Variants in PHC1 observed in about 807,000 individuals in gnomAD.
The protein encoded by PHC1 is polyhomeotic-like protein 1.
In PHC1, 12 loss-of-function variants were observed where a neutral mutation model predicts 104.3. The ratio of observed to expected loss-of-function variants is 0.12; its 90% CI spans 0.07 to 0.19. The LOEUF (loss-of-function observed/expected upper bound fraction) is 0.19, where lower values mean the gene tolerates loss of function less well. Ranked by LOEUF, PHC1 falls within the 10% of genes least tolerant of loss-of-function variation. The pLI, the probability that PHC1 is intolerant of heterozygous loss-of-function variation, is 1.00. For synonymous variants in PHC1, 302 were observed against 455.8 expected (o/e 0.66, Z 4.30); for missense variants, 671 against 1,200.0 (o/e 0.56, Z 6.51).
chr12:8,926,142 C>A (rs1945505498), intron 6 of PHC1, among the ~76,000 whole-genome samples: 1 of 152,050 alleles, frequency 6.6e-6, no homozygotes. Context: ...GACATGCAGA[C>A]CTAATTAGAA....
At chr12:8,938,847 CAG>C (rs777118210) in intron 14 of PHC1, among the ~76,000 whole-genome samples, 52 of 152,154 alleles carry the variant, frequency 3.4e-4, no homozygotes, top group Non-Finnish European at 4.0e-4. Flanking sequence ...TGTTTTGAGA[CAG>C]AGTCTTACTC....
Position 8,917,812 on chromosome 12 carries a change from G to A in PHC1, c.114+21G>A, listed in dbSNP as rs1555125170. ...TGCAGGTGAGACTCAGCTCTGAGGG[G>A]CCATGGTCTGTGAGTCTTGGCTTGT... is the stretch of plus-strand genomic sequence containing the variant. On this transcript the variant is annotated intron_variant, in intron 2 of 14. Transcript: ENST00000544916. 6.2e-6 allele frequency: 8 copies of A among 1,280,588 alleles called. No individual in the cohort carries two copies. In the Admixed American group the frequency reaches 8.0e-5, roughly 13 times the overall value. The allele number at this position is 1,280,588 out of a possible 1,614,324, so 79.3% of individuals were successfully genotyped here.
In PHC1 at chr12:8,936,405, G is replaced by A. The variant is rs935762701; in HGVS notation, c.2369-451G>A. Reference sequence around the variant, plus strand: ...AAAAAAATTTTTTTTTCCAAAAGATGATCTAAAATAGGACATTTATATCTT... The same window carrying A: ...AAAAAAATTTTTTTTTCCAAAAGATAATCTAAAATAGGACATTTATATCTT... On this transcript the variant is annotated intron_variant, in intron 11 of 14. Coordinates refer to ENST00000544916, the MANE Select transcript of PHC1 (RefSeq NM_004426.3). Among the ~76,000 whole-genome samples the A allele has an allele frequency of 2.2e-4, 33 of 151,998 alleles. 1 individual carries two copies. Among genetic ancestry groups the A allele is most frequent in the Non-Finnish European group, 1.6e-4 (11 of 67,994 alleles).
At chr12:8,938,823 T>TTTG (rs928494261) in intron 14 of PHC1, among the ~76,000 whole-genome samples, 75 of 152,134 alleles carry the variant, frequency 4.9e-4, no homozygotes, top group Middle Eastern at 3.4e-3. Context: ...GGACTTTGGT[T>TTTG]TTGTTGTTGT....
At chr12:8,924,792 T>C (rs1437171207) in intron 6 of PHC1, among the ~76,000 whole-genome samples, 1 of 152,180 alleles carries the variant, frequency 6.6e-6, no homozygotes, top group African/African-American at 2.4e-5. Context: ...GTTAACTTCA[T>C]AGGTCACAGG....
chr12:8,921,824 T>C (rs1387523609), intron 5 of PHC1, 74 bp downstream of exon 5: 2 of 1,358,400 alleles, frequency 1.5e-6, no homozygotes, highest in South Asian at 2.9e-5. Flanking sequence ...GAGTGAAAGC[T>C]TTTTTTTGAG....
intron 6 of PHC1, among the ~76,000 whole-genome samples, chr12:8,927,782 C>G (rs1945558260): frequency 6.6e-6 from 1 of 152,152 alleles, no homozygotes; most frequent in South Asian, 2.1e-4. Context: ...CAATATCTCT[C>G]AAAAGCCATC....
chr12:8,924,449 C>T (rs940387957), intron 6 of PHC1, among the ~76,000 whole-genome samples: 2 of 152,188 alleles, frequency 1.3e-5, no homozygotes, highest in African/African-American at 4.8e-5. Context: ...ACACTCCAGC[C>T]TGGGCGACAG....
At position 8,918,278 on chromosome 12, in the gene PHC1, T is replaced by G. The variant is rs756812254; in HGVS notation, c.114+487T>G. Among the ~76,000 whole-genome samples, 3 of 152,336 alleles carry G rather than the reference T, an allele frequency of 2.0e-5. No homozygotes were observed. In the South Asian group the frequency reaches 6.2e-4, roughly 32 times the overall value. On this transcript the variant is annotated intron_variant, in intron 2 of 14. Transcript: ENST00000544916. ...ATTAAAGAATAAGAATACAGTAAAG[T>G]CCAGTTAGCACTAAAACCAAACTAC...
At chr12:8,934,771 T>A (rs1273181792) in intron 10 of PHC1, among the ~76,000 whole-genome samples, 1 of 152,096 alleles carries the variant, frequency 6.6e-6, no homozygotes, top group African/African-American at 2.4e-5. Context: ...GTTAAGGAGC[T>A]TTCCTAGGGT....
intron 4 of PHC1, 75 bp downstream of exon 4, chr12:8,921,140 T>G: frequency 8.9e-7 from 1 of 1,118,912 alleles, no homozygotes; most frequent in Non-Finnish European, 1.3e-6. Context: ...TTTGTGCCGC[T>G]GATCTGAGAG....
At chr12:8,926,970 T>C (rs761291552) in intron 6 of PHC1, among the ~76,000 whole-genome samples, 8 of 152,172 alleles carry the variant, frequency 5.3e-5, no homozygotes, top group African/African-American at 1.9e-4. Context: ...ACGTTTAATA[T>C]GGGGCCCTGA....
chr12:8,930,317 G>C, intron 6 of PHC1, 118 bp from the exon 7 acceptor site: 1 of 1,435,968 alleles, frequency 7.0e-7, no homozygotes, highest in Non-Finnish European at 9.4e-7. Flanking sequence ...TAAAGGCAGA[G>C]ATACGAGCTG....
intron 5 of PHC1, 149 bp from the exon 6 acceptor site, chr12:8,922,484 A>T: frequency 3.1e-6 from 2 of 639,544 alleles, no homozygotes; most frequent in Non-Finnish European, 5.4e-6. Flanking sequence ...CATGTGGAGA[A>T]TATGAGGCTC....
chr12:8,933,797 A>G, intron 8 of PHC1, 68 bp from the exon 9 acceptor site: 3 of 1,343,560 alleles, frequency 2.2e-6, no homozygotes, highest in Non-Finnish European at 3.1e-6. Context: ...AACATATGGT[A>G]ATAATTGTGG....
At chr12:8,935,458 T>C (rs1350869606) in intron 11 of PHC1, among the ~76,000 whole-genome samples, 2 of 152,090 alleles carry the variant, frequency 1.3e-5, no homozygotes, top group Non-Finnish European at 2.9e-5. Context: ...AAACCCTGTC[T>C]CTACTACAAA....
chr12:8,917,040 T>C (rs942516570), intron 1 of PHC1, among the ~76,000 whole-genome samples: 12 of 152,210 alleles, frequency 7.9e-5, no homozygotes, highest in African/African-American at 2.7e-4. Flanking sequence ...TGAAGAAGCA[T>C]GTGTTAGTCC....
intron 13 of PHC1, 88 bp downstream of exon 13, chr12:8,937,414 G>C: frequency 8.1e-7 from 1 of 1,228,510 alleles, no homozygotes; most frequent in Non-Finnish European, 1.1e-6. Context: ...AGGTAAGAGG[G>C]TGTGAGATGA....
chr12:8,936,641 C>T (rs1004850501), intron 11 of PHC1, among the ~76,000 whole-genome samples: 1 of 152,060 alleles, frequency 6.6e-6, no homozygotes, highest in African/African-American at 2.4e-5. Context: ...GGAGAGAGTT[C>T]GGCTTAAGGT....
Sources: gnomAD v4.1 joint callset for allele counts (sites outside exome capture counted in the v4.1 genomes callset) on GRCh38, gnomAD v4.1.1 for gene constraint, MANE v1.5 for transcripts, NCBI Gene and HGNC (gene_info 2026-07-23, HGNC 2026-07-21) for gene names.